KIF13B: variants seen among roughly 807,000 people sequenced by gnomAD.
KIF13B encodes the protein kinesin-like protein KIF13B.
Under a neutral mutation model 222.0 loss-of-function variants are expected in KIF13B, and 127 were observed. That is an observed-to-expected ratio of 0.57 (90% CI 0.50 to 0.66). KIF13B has a LOEUF of 0.66. Ranked by LOEUF, KIF13B falls within the 30% of genes least tolerant of loss-of-function variation. The pLI, the probability that KIF13B is intolerant of heterozygous loss-of-function variation, is 0.00. For missense variants in KIF13B, 2,173 were observed against 2,379.0 expected, an observed-to-expected ratio of 0.91 and a Z score of 1.80; for synonymous variants, 976 against 919.0, an observed-to-expected ratio of 1.06 and a Z score of -1.12.
intron 2 of KIF13B, among the ~76,000 whole-genome samples, chr8:29,215,692 A>G (rs912880906): frequency 2.0e-5 from 3 of 152,222 alleles, no homozygotes; most frequent in Non-Finnish European, 2.9e-5. Flanking sequence ...ACCCTTTTTA[A>G]TAAGAGTATG....
chr8:29,122,256 AAAAT>A (rs565231570), intron 29 of KIF13B, among the ~76,000 whole-genome samples: 1 of 152,112 alleles, frequency 6.6e-6, no homozygotes, highest in South Asian at 2.1e-4. Flanking sequence ...TCTGTCTCAA[AAAAT>A]AAATAAATAA....
At position 29,215,787 on chromosome 8, in the gene KIF13B, G is replaced by A. The variant is rs183708964; in HGVS notation, c.150-19588C>T. Among the ~76,000 whole-genome samples, 576 of 152,282 alleles carry A rather than the reference G, an allele frequency of 3.8e-3. 1 individual carries two copies. The highest frequency in any genetic ancestry group is 0.012 in the African/African-American group (516 of 41,552). ...AATCTTTGAATGCTTGAAGGACAAC[G>A]ACAAAAAGTTTTAAAGTATTAAAAG... On this transcript the variant is annotated intron_variant, in intron 2 of 39. Transcript: ENST00000524189.
At chr8:29,082,967 C>T (rs1392216401) in intron 37 of KIF13B, among the ~76,000 whole-genome samples, 3 of 152,208 alleles carry the variant, frequency 2.0e-5, no homozygotes, top group East Asian at 1.9e-4. Flanking sequence ...TCTACAAGAT[C>T]AAAATTTAAA....
chr8:29,247,131 T>G (rs1816061017), intron 1 of KIF13B, among the ~76,000 whole-genome samples: 1 of 152,118 alleles, frequency 6.6e-6, no homozygotes, highest in Non-Finnish European at 1.5e-5. Context: ...ATGCCCGTAA[T>G]CCCAGAACTT....
intron 2 of KIF13B, among the ~76,000 whole-genome samples, chr8:29,199,228 C>T (rs1247130252): frequency 3.3e-5 from 5 of 151,846 alleles, no homozygotes; most frequent in African/African-American, 7.3e-5. Context: ...TGTTATAAAC[C>T]TACAGGGAGG....
intron 1 of KIF13B, among the ~76,000 whole-genome samples, chr8:29,259,093 C>T (rs546063319): frequency 2.1e-4 from 32 of 152,234 alleles, no homozygotes; most frequent in African/African-American, 7.7e-4. Flanking sequence ...ACACGTACAG[C>T]TTTACATTCT....
At chr8:29,196,091 G>A in intron 3 of KIF13B, 96 bp downstream of exon 3, 2 of 1,066,538 alleles carry the variant, frequency 1.9e-6, no homozygotes, top group East Asian at 2.6e-5. Flanking sequence ...CAAAATGATA[G>A]AAAATATTTT....
rs1223306651 is a variant in KIF13B, at chr8:29,140,432, T to C, written c.2484+36A>G. 6 of 1,595,858 alleles carry C rather than the reference T, an allele frequency of 3.8e-6. No homozygotes were observed. In the African/African-American group the frequency reaches 4.0e-5, roughly 11 times the overall value. Reference sequence around the variant, plus strand: ...ACCACCCTCTTGTTTCTTAAACTATTCTCTACAGGAAACAAGGCATGAAGA... The same window carrying C: ...ACCACCCTCTTGTTTCTTAAACTATCCTCTACAGGAAACAAGGCATGAAGA... On this transcript the variant is annotated intron_variant, in intron 20 of 39. Coordinates refer to ENST00000524189, the MANE Select transcript of KIF13B (RefSeq NM_015254.4).
At chr8:29,130,779 T>C (rs1294665213) in intron 23 of KIF13B, 114 bp from the exon 24 acceptor site, 3 of 906,240 alleles carry the variant, frequency 3.3e-6, no homozygotes, top group Non-Finnish European at 5.2e-6. Flanking sequence ...ACAGAGTAAT[T>C]CAGAATGATC....
chr8:29,085,526 C>T (rs1020142714), intron 37 of KIF13B, among the ~76,000 whole-genome samples: 3 of 151,402 alleles, frequency 2.0e-5, no homozygotes, highest in Non-Finnish European at 4.4e-5. Flanking sequence ...GTCACCACAC[C>T]CACATATTTT....
chr8:29,242,555 A>G (rs1815827474), intron 2 of KIF13B, among the ~76,000 whole-genome samples: 1 of 152,256 alleles, frequency 6.6e-6, no homozygotes, highest in Non-Finnish European at 1.5e-5. Context: ...AAAGATATTA[A>G]TTGTTCTAGT....
intron 31 of KIF13B, among the ~76,000 whole-genome samples, chr8:29,114,623 T>C (rs909452335): frequency 6.6e-6 from 1 of 152,180 alleles, no homozygotes; most frequent in Non-Finnish European, 1.5e-5. Flanking sequence ...ATTCTTGTTA[T>C]AAAGAAGAGA....
At chr8:29,247,955 A>C (rs1455383058) in intron 1 of KIF13B, among the ~76,000 whole-genome samples, 1 of 152,168 alleles carries the variant, frequency 6.6e-6, no homozygotes, top group Non-Finnish European at 1.5e-5. Context: ...AAGATGTTCC[A>C]TATCATTCAA....
At chr8:29,216,841 C>G (rs922557347) in intron 2 of KIF13B, among the ~76,000 whole-genome samples, 1 of 152,218 alleles carries the variant, frequency 6.6e-6, no homozygotes, top group Admixed American at 6.5e-5. Flanking sequence ...GTGACTAAGG[C>G]TAAGCTGTGG....
chr8:29,141,493 T>C (rs545388856), intron 19 of KIF13B, among the ~76,000 whole-genome samples: 2 of 152,332 alleles, frequency 1.3e-5, no homozygotes, highest in South Asian at 4.1e-4. Context: ...GATAACAATC[T>C]GGAAAAATCA....
At chr8:29,173,942 CAAA>C (rs72309757) in intron 10 of KIF13B, among the ~76,000 whole-genome samples, 1 of 126,748 alleles carries the variant, frequency 7.9e-6, no homozygotes, top group Admixed American at 8.0e-5. Context: ...GGCTCCGTCT[CAAA>C]AAAAAAAAAA....
chr8:29,246,807 T>C (rs1816046700), intron 1 of KIF13B, among the ~76,000 whole-genome samples: 1 of 152,224 alleles, frequency 6.6e-6, no homozygotes, highest in Admixed American at 6.5e-5. Flanking sequence ...GTCACATTTA[T>C]GGTCCATTGA....
chr8:29,156,002 T>C (rs1586853802), intron 13 of KIF13B, 146 bp from the exon 14 acceptor site: 2 of 573,650 alleles, frequency 3.5e-6, no homozygotes, highest in East Asian at 6.9e-5. Flanking sequence ...AGAGTCTTGC[T>C]CTATCCCCCA....
Position 29,182,900 on chromosome 8 carries a change from A to G in KIF13B, c.498-894T>C, listed in dbSNP as rs570567596. Among the ~76,000 whole-genome samples the G allele has an allele frequency of 2.0e-5, 3 of 152,218 alleles. No individual in the cohort carries two copies. In the East Asian group the frequency reaches 5.8e-4, roughly 29 times the overall value. On this transcript the variant is annotated intron_variant, in intron 6 of 39. Transcript: ENST00000524189. ...ATGTCTGCACCACAAAAAAAATGGTAAGTGTGTGAGGTGATGGATATGTTA... is the reference window on the plus strand; with the variant it reads ...ATGTCTGCACCACAAAAAAAATGGTGAGTGTGTGAGGTGATGGATATGTTA...
Sources: allele counts gnomAD v4.1 joint callset (sites outside exome capture counted in the v4.1 genomes callset), GRCh38; gene constraint gnomAD v4.1.1; transcripts MANE v1.5; gene names NCBI Gene and HGNC (gene_info 2026-07-23, HGNC 2026-07-21).